Variants in STK32B observed in about 807,000 individuals in gnomAD.
STK32B encodes serine/threonine-protein kinase 32B.
STK32B carries 43 observed loss-of-function variants against 52.6 expected under a neutral mutation model. That is an observed-to-expected ratio of 0.82 (90% CI 0.64 to 1.05). STK32B has a LOEUF of 1.05. Among genes scored for constraint, STK32B ranks in the 50% least tolerant of loss-of-function variants. The probability of loss-of-function intolerance (pLI) is 0.00; values close to 1 mark genes in which losing one functional copy is unlikely to be tolerated. For missense variants in STK32B, 621 were observed against 534.6 expected, an observed-to-expected ratio of 1.16 and a Z score of -1.59; for synonymous variants, 238 against 204.3, an observed-to-expected ratio of 1.17 and a Z score of -1.41.
intron 3 of STK32B, among the ~76,000 whole-genome samples, chr4:5,286,165 G>A (rs1182012577): frequency 4.6e-5 from 7 of 152,118 alleles, no homozygotes; most frequent in Admixed American, 4.6e-4. Context: ...ACCTGGCTGT[G>A]GTACTTTATT....
intron 11 of STK32B, among the ~76,000 whole-genome samples, chr4:5,475,624 G>A (rs1160536014): frequency 6.9e-6 from 1 of 145,924 alleles, no homozygotes. Context: ...CTTGAACCTG[G>A]AAAGCAGAGG....
chr4:5,276,075 G>A (rs1233681971), intron 3 of STK32B, among the ~76,000 whole-genome samples: 1 of 152,058 alleles, frequency 6.6e-6, no homozygotes, highest in Non-Finnish European at 1.5e-5. Context: ...GATCACCTGA[G>A]GTCAGGAGTT....
At chr4:5,247,505 G>C (rs998087791) in intron 3 of STK32B, among the ~76,000 whole-genome samples, 3 of 152,288 alleles carry the variant, frequency 2.0e-5, no homozygotes, top group Middle Eastern at 3.4e-3. Context: ...GGAATTCCCT[G>C]ACCCCTTGCA....
chr4:5,135,947 C>T (rs1483795381), intron 1 of STK32B, among the ~76,000 whole-genome samples: 1 of 152,140 alleles, frequency 6.6e-6, no homozygotes, highest in African/African-American at 2.4e-5. Flanking sequence ...CGGTAGTTCC[C>T]AAAGTGCAGT....
chr4:5,048,120 T>C (rs1293422243), upstream of STK32B, among the ~76,000 whole-genome samples: 1 of 151,158 alleles, frequency 6.6e-6, no homozygotes, highest in Admixed American at 6.6e-5. Flanking sequence ...AATAATTTTC[T>C]GTTTTTTTTT....
intron 3 of STK32B, among the ~76,000 whole-genome samples, chr4:5,219,985 T>A (rs1342148151): frequency 6.6e-6 from 1 of 152,216 alleles, no homozygotes; most frequent in Non-Finnish European, 1.5e-5. Context: ...AACCCAAGTT[T>A]AAGGTTGTAC....
chr4:5,312,160 A>G (rs1218569363), intron 3 of STK32B, among the ~76,000 whole-genome samples: 1 of 151,364 alleles, frequency 6.6e-6, no homozygotes, highest in Non-Finnish European at 1.5e-5. Context: ...ATGATTCATG[A>G]TTTTATGTCT....
At chr4:5,472,808 G>T (rs1164208800) in intron 11 of STK32B, among the ~76,000 whole-genome samples, 1 of 152,104 alleles carries the variant, frequency 6.6e-6, no homozygotes, top group Non-Finnish European at 1.5e-5. Context: ...ATCATCATTT[G>T]TATGTGACTT....
rs562454296 is a variant in STK32B at position 5,062,610 on chromosome 4, G to A, written c.52+10695G>A. 5.9e-5 allele frequency among the ~76,000 whole-genome samples: 9 copies of A among 152,208 alleles called. No homozygotes were observed. In the East Asian group the frequency reaches 7.7e-4, roughly 13 times the overall value. On this transcript the variant is annotated intron_variant, in intron 1 of 11. Transcript: ENST00000282908. Reference sequence around the variant, plus strand: ...TGCAAGCTCCGCCTCCCAGGTTCACGCCATTCTCCTGCCTCAGCCTCCCAA... The same window carrying A: ...TGCAAGCTCCGCCTCCCAGGTTCACACCATTCTCCTGCCTCAGCCTCCCAA...
chr4:5,374,579 AG>A (rs1735458991), intron 4 of STK32B, among the ~76,000 whole-genome samples: 1 of 152,068 alleles, frequency 6.6e-6, no homozygotes, highest in Admixed American at 6.5e-5. Flanking sequence ...GTGTCTGGCG[AG>A]GGCCTGCTCC....
the STK32B span, among the ~76,000 whole-genome samples, chr4:5,041,734 A>C: frequency 6.6e-6 from 1 of 152,130 alleles, no homozygotes; most frequent in East Asian, 1.9e-4. Flanking sequence ...TCTGAGTGAG[A>C]TGACTTTCAA....
intron 3 of STK32B, among the ~76,000 whole-genome samples, chr4:5,311,433 A>C (rs1159863752): frequency 1.3e-5 from 2 of 152,190 alleles, no homozygotes; most frequent in Non-Finnish European, 2.9e-5. Context: ...ATGAAATAAT[A>C]AACAGTAGAA....
chr4:5,152,625 G>A (rs1717464945), intron 2 of STK32B, among the ~76,000 whole-genome samples: 1 of 152,270 alleles, frequency 6.6e-6, no homozygotes, highest in Non-Finnish European at 1.5e-5. Context: ...TCTGGTGGCT[G>A]TAGATGAAAA....
intron 6 of STK32B, among the ~76,000 whole-genome samples, chr4:5,417,980 G>T (rs1401453895): frequency 6.6e-6 from 1 of 152,174 alleles, no homozygotes. Flanking sequence ...CTCACATGCA[G>T]TTTCAAGATG....
At chr4:5,117,731 C>T (rs1354720204) in intron 1 of STK32B, among the ~76,000 whole-genome samples, 1 of 152,072 alleles carries the variant, frequency 6.6e-6, no homozygotes, top group African/African-American at 2.4e-5. Flanking sequence ...TTTTGAAGGA[C>T]TGAAATCTAA....
At chr4:5,182,316 T>G (rs890848781) in intron 3 of STK32B, among the ~76,000 whole-genome samples, 1 of 152,170 alleles carries the variant, frequency 6.6e-6, no homozygotes, top group African/African-American at 2.4e-5. Flanking sequence ...ATGGTGATAT[T>G]TTGACCGCCC....
At chr4:5,387,546 G>A (rs765597071) in intron 4 of STK32B, among the ~76,000 whole-genome samples, 4 of 152,154 alleles carry the variant, frequency 2.6e-5, no homozygotes, top group Non-Finnish European at 2.9e-5. Flanking sequence ...CAGAGGAGTT[G>A]ACCAGGCAGA....
chr4:5,076,547 T>C (rs1239364204), intron 1 of STK32B, among the ~76,000 whole-genome samples: 1 of 152,196 alleles, frequency 6.6e-6, no homozygotes, highest in East Asian at 1.9e-4. Flanking sequence ...TGTTGCCCTT[T>C]ATTGCTGATA....
intron 3 of STK32B, among the ~76,000 whole-genome samples, chr4:5,298,789 G>T (rs1258127821): frequency 6.6e-6 from 1 of 151,924 alleles, no homozygotes; most frequent in African/African-American, 2.4e-5. Context: ...CCTTTCCAGG[G>T]GAGTGAATGG....
Sources: allele counts gnomAD v4.1 joint callset (sites outside exome capture counted in the v4.1 genomes callset), GRCh38; gene constraint gnomAD v4.1.1; transcripts MANE v1.5; gene names NCBI Gene and HGNC (gene_info 2026-07-23, HGNC 2026-07-21).